The following CCDC182 variants were observed in gnomAD, a reference collection of about 807,000 sequenced individuals.
CCDC182 encodes coiled-coil domain containing 182.
A neutral mutation model predicts 4.6 loss-of-function variants in CCDC182; 1 was observed. The observed-to-expected ratio is 0.22, with a 90% CI of 0.08 to 1.02. The LOEUF (loss-of-function observed/expected upper bound fraction) is 1.02, where lower values mean the gene tolerates loss of function less well. Among genes scored for constraint, CCDC182 ranks in the 50% least tolerant of loss-of-function variants. The pLI is 0.58. For missense variants in CCDC182, 209 were observed against 196.8 expected, an observed-to-expected ratio of 1.06 and a Z score of -0.37; for synonymous variants, 82 against 83.9, an observed-to-expected ratio of 0.98 and a Z score of 0.12.
Position 57,745,211 on chromosome 17 carries a change from T to G in CCDC182, c.62A>C (p.Lys21Thr). ...AGACTGGAGGCCACTCTCTATCATT[T>G]TTTTCCCCTGTAGGGTATTCACCGT... ...LMTVNTLQGK[K>T]MIESGLQSGD... is the part of the protein sequence containing the mutation. The change falls in exon 1 of 1, where the codon AAA (lysine) becomes ACA (threonine). Residue 21 changes from lysine to threonine, a missense_variant. Transcript: ENST00000299415. The G allele has an allele frequency of 6.4e-7, 1 of 1,550,624 alleles. No homozygotes were observed. Among genetic ancestry groups the G allele is most frequent in the Non-Finnish European group, 8.7e-7 (1 of 1,147,002 alleles).
Position 57,744,632 on chromosome 17 carries a change from TA to T in CCDC182, c.*178del. On this transcript the variant is annotated 3_prime_UTR_variant, in exon 1 of 1. Coordinates refer to ENST00000299415, the MANE Select transcript of CCDC182 (RefSeq NM_001282544.2). ...TGCCTCCTTCCTTTAGAATGCTGGA[TA>T]AATGGAATTTCACCAAAAAAAATAT... 1.7e-6 allele frequency: 1 copy of T among 595,044 alleles called. No homozygotes were observed. The highest frequency in any genetic ancestry group is 3.0e-6 in the Non-Finnish European group (1 of 333,842). The allele number at this position is 595,044 out of a possible 1,614,324, so 36.9% of individuals were successfully genotyped here. A position where few individuals can be genotyped will look rare whatever the true frequency, so the allele number is the denominator to read the frequency against.
chr17:57,744,984 C>G lies in CCDC182; in HGVS notation c.289G>C (p.Val97Leu). The G allele has an allele frequency of 6.4e-7, 1 of 1,550,816 alleles. No homozygotes were observed. Among genetic ancestry groups the G allele is most frequent in the South Asian group, 1.2e-5 (1 of 84,064 alleles). ...TCCTCCTCCCTTAGCCGCTGCCTCA[C>G]GCGAGCCGCCTGCTCCTCCTGTTGC... ...LVQQEEQAAR[V>L]RQRLREEEDR... Residue 97 changes from valine to leucine, a missense_variant, in exon 1 of 1, where the codon GTG becomes CTG. Physicochemically the swap from Val to Leu is conservative, Grantham distance 32. Transcript: ENST00000299415.
Position 57,744,761 on chromosome 17 carries a change from C to A in CCDC182, c.*50G>T, listed in dbSNP as rs115612632. ...GGTAGGGACTTGGGGTTTCTCCTTC[C>A]GTTAAAAAAAATCTTCAACTTGGTG... On this transcript the variant is annotated 3_prime_UTR_variant, in exon 1 of 1. Coordinates refer to ENST00000299415, the MANE Select transcript of CCDC182 (RefSeq NM_001282544.2). 5,243 of 1,275,192 alleles carry A rather than the reference C, an allele frequency of 4.1e-3. 153 individuals are homozygous for A. In the African/African-American group the frequency reaches 0.063, roughly 15 times the overall value. The allele number at this position is 1,275,192 out of a possible 1,614,324, so 79.0% of individuals were successfully genotyped here.
chr17:57,744,953 C>T lies in CCDC182; in HGVS notation c.320G>A (p.Arg107His). 8.4e-6 allele frequency: 13 copies of T among 1,550,728 alleles called. No individual in the cohort carries two copies. Among genetic ancestry groups the T allele is most frequent in the South Asian group, 4.8e-5 (4 of 84,064 alleles). The part of the protein sequence containing the change: ...VRQRLREEED[R>H]GIVRNKVLTF... ...GAGAACCTTGTTGCGCACGATGCCA[C>T]GGTCCTCCTCCTCCCTTAGCCGCTG... Residue 107 changes from arginine to histidine, a missense_variant, in exon 1 of 1, where the codon CGT becomes CAT. Arg to His is a conservative substitution (Grantham distance 29). Transcript: ENST00000299415.
Position 57,744,913 on chromosome 17 carries a change from C to G in CCDC182, c.360G>C (p.Pro120=), listed in dbSNP as rs781563994. Residue 120 remains proline, a synonymous_variant, in exon 1 of 1, where the codon CCG becomes CCC. Transcript: ENST00000299415. ...AGTGCTCCCGGAGCTGTTTCTCGCG[C>G]GGCAACAGGAAGGTGAGAACCTTGT... is the stretch of plus-strand genomic sequence containing the variant. ...VRNKVLTFLL[P]REKQLREHCK... 2 of 1,550,486 alleles carry G rather than the reference C, an allele frequency of 1.3e-6. No homozygotes were observed. Among genetic ancestry groups the G allele is most frequent in the African/African-American group, 1.4e-5 (1 of 73,036 alleles).
Position 57,745,111 on chromosome 17 carries a change from C to CAG in CCDC182, c.161_162insCT (p.Lys54AsnfsTer18). 1 of 1,550,734 alleles carries CAG rather than the reference C, an allele frequency of 6.4e-7. No homozygotes were observed. Among genetic ancestry groups the CAG allele is most frequent in the Non-Finnish European group, 8.7e-7 (1 of 1,146,960 alleles). On this transcript the variant is annotated frameshift_variant, in exon 1 of 1. Coordinates refer to ENST00000299415, the MANE Select transcript of CCDC182 (RefSeq NM_001282544.2). LOFTEE classifies it high-confidence loss of function. ...CCAGTTCCCGTTGCACCCCGGCCACCTTCTGCTGCAGGATCTCCAAGTCAG... is the reference window on the plus strand; with the variant it reads ...CCAGTTCCCGTTGCACCCCGGCCACCAGTTCTGCTGCAGGATCTCCAAGTCAG...
Position 57,745,075 on chromosome 17 carries a change from C to G in CCDC182, c.198G>C (p.Lys66Asn), listed in dbSNP as rs758763423. 1.3e-6 allele frequency: 2 copies of G among 1,550,994 alleles called. No individual in the cohort carries two copies. Among genetic ancestry groups the G allele is most frequent in the South Asian group, 1.2e-5 (1 of 84,058 alleles). The change falls in exon 1 of 1, where the codon AAG (lysine) becomes AAC (asparagine). Residue 66 changes from lysine (K) to asparagine (N), a missense_variant. Transcript: ENST00000299415. ...AATGAATGGACTTCAATGCCTCTTT[C>G]TTAAAGTCCTCCAGTTCCCGTTGCA... is the stretch of plus-strand genomic sequence containing the variant. ...AGVQRELEDF[K>N]KEALKSIHYL...
At position 57,744,991 on chromosome 17, in the gene CCDC182, C is replaced by T. The variant is rs1489589752; in HGVS notation, c.282G>A (p.Ala94=). Residue 94 remains alanine (A), a synonymous_variant, in exon 1 of 1, where the codon GCG becomes GCA. Transcript: ENST00000299415. The part of the protein sequence containing the change: ...NGALVQQEEQ[A]ARVRQRLREE... ...CCCTTAGCCGCTGCCTCACGCGAGC[C>T]GCCTGCTCCTCCTGTTGCACCAGGG... 11 of 1,550,892 alleles carry T rather than the reference C, an allele frequency of 7.1e-6. No individual in the cohort carries two copies. Among genetic ancestry groups the T allele is most frequent in the Non-Finnish European group, 8.7e-6 (10 of 1,147,044 alleles).
chr17:57,745,191 G>GGAGGC lies in CCDC182; in HGVS notation c.77_81dup (p.Gln28AlafsTer45), dbSNP rs1258556533. On this transcript the variant is annotated frameshift_variant, in exon 1 of 1. Coordinates refer to ENST00000299415, the MANE Select transcript of CCDC182 (RefSeq NM_001282544.2). LOFTEE classifies it high-confidence loss of function. ...TGGGACAGGGAAAAGTCTCCAGACT[G>GGAGGC]GAGGCCACTCTCTATCATTTTTTTC... 3 of 1,550,600 alleles carry GGAGGC rather than the reference G, an allele frequency of 1.9e-6. No homozygotes were observed. The East Asian group carries it at 7.3e-5, about 38-fold the overall frequency.
rs1256320720 is a variant in CCDC182 at position 57,744,984 on chromosome 17, C to T, written c.289G>A (p.Val97Met). The T allele has an allele frequency of 1.5e-5, 24 of 1,550,816 alleles. No homozygotes were observed. The highest frequency in any genetic ancestry group is 2.4e-5 in the South Asian group (2 of 84,064). ...LVQQEEQAARVRQRLREEEDR... is the reference protein window; with the variant it reads ...LVQQEEQAARMRQRLREEEDR... ...TCCTCCTCCCTTAGCCGCTGCCTCA[C>T]GCGAGCCGCCTGCTCCTCCTGTTGC... is the stretch of plus-strand genomic sequence containing the variant. The change falls in exon 1 of 1, where the codon GTG (valine) becomes ATG (methionine). Residue 97 changes from valine to methionine, a missense_variant. Val to Met is a conservative substitution (Grantham distance 21, BLOSUM62 1). Transcript: ENST00000299415.
rs562610277 is a variant in CCDC182 at position 57,745,220 on chromosome 17, T to C, written c.53A>G (p.Gln18Arg). The C allele has an allele frequency of 1.9e-6, 3 of 1,550,502 alleles. No homozygotes were observed. Among genetic ancestry groups the C allele is most frequent in the African/African-American group, 2.7e-5 (2 of 73,166 alleles). ...GCCACTCTCTATCATTTTTTTCCCC[T>C]GTAGGGTATTCACCGTCATGAGAAT... ...GSILMTVNTL[Q>R]GKKMIESGLQ... Residue 18 changes from glutamine to arginine, a missense_variant, in exon 1 of 1, where the codon CAG (glutamine) becomes CGG (arginine). Coordinates refer to ENST00000299415, the MANE Select transcript of CCDC182 (RefSeq NM_001282544.2).
At position 57,744,869 on chromosome 17, in the gene CCDC182, A is replaced by G; in HGVS notation, c.404T>C (p.Leu135Pro). 1 of 1,550,306 alleles carries G rather than the reference A, an allele frequency of 6.5e-7. No homozygotes were observed. The highest frequency in any genetic ancestry group is 8.7e-7 in the Non-Finnish European group (1 of 1,146,840). Residue 135 changes from leucine to proline, a missense_variant, in exon 1 of 1, where the codon CTG (leucine) becomes CCG (proline). Leu to Pro is a moderately conservative substitution (Grantham distance 98, BLOSUM62 -3). Coordinates refer to ENST00000299415, the MANE Select transcript of CCDC182 (RefSeq NM_001282544.2). Reference protein sequence around the residue: ...LREHCKRLEDLLLDRGRDALR... With the variant: ...LREHCKRLEDPLLDRGRDALR... ...GGCGTCACGTCCCCTGTCCAGCAGC[A>G]GGTCCTCCAGCCGCTTGCAGTGCTC...
rs2073270662 is a variant in CCDC182, at chr17:57,744,958, C to T, written c.315G>A (p.Glu105=). 6.4e-7 allele frequency: 1 copy of T among 1,550,566 alleles called. No individual in the cohort carries two copies. The highest frequency in any genetic ancestry group is 1.4e-5 in the African/African-American group (1 of 73,052). ...ARVRQRLREE[E]DRGIVRNKVL... is the part of the protein sequence containing the mutation. ...CCTTGTTGCGCACGATGCCACGGTC[C>T]TCCTCCTCCCTTAGCCGCTGCCTCA... The change falls in exon 1 of 1, where the codon GAG becomes GAA. Residue 105 remains glutamate, a synonymous_variant. Coordinates refer to ENST00000299415, the MANE Select transcript of CCDC182 (RefSeq NM_001282544.2).
Position 57,744,510 on chromosome 17 carries a change from A to G in CCDC182, c.*301T>C, listed in dbSNP as rs551868275. 19 of 293,028 alleles carry G rather than the reference A, an allele frequency of 6.5e-5. No individual in the cohort carries two copies. In the South Asian group the frequency reaches 1.5e-3, roughly 22 times the overall value. 18.2% of individuals were successfully genotyped at this position (293,028 alleles called of 1,614,324 possible). On this transcript the variant is annotated 3_prime_UTR_variant, in exon 1 of 1. Coordinates refer to ENST00000299415, the MANE Select transcript of CCDC182 (RefSeq NM_001282544.2). ...TTCAACACAATCAGTTTAAGAATAT[A>G]CTATACAAATAAAGAGGTATACATT...
Position 57,745,195 on chromosome 17 carries a change from G to T in CCDC182, c.78C>A (p.Gly26=), listed in dbSNP as rs759120695. The change falls in exon 1 of 1, where the codon GGC becomes GGA. Residue 26 remains glycine, a synonymous_variant. Coordinates refer to ENST00000299415, the MANE Select transcript of CCDC182 (RefSeq NM_001282544.2). The part of the protein sequence containing the change: ...TLQGKKMIES[G]LQSGDFSLSQ... The stretch of plus-strand genomic sequence containing the variant: ...ACAGGGAAAAGTCTCCAGACTGGAG[G>T]CCACTCTCTATCATTTTTTTCCCCT... 12 of 1,550,596 alleles carry T rather than the reference G, an allele frequency of 7.7e-6. 1 individual carries two copies. In the South Asian group the frequency reaches 1.4e-4, roughly 18 times the overall value.
Position 57,745,094 on chromosome 17 carries a change from C to T in CCDC182, c.179G>A (p.Arg60Gln), listed in dbSNP as rs750904613. The change falls in exon 1 of 1, where the codon CGG becomes CAG. Residue 60 changes from arginine to glutamine, a missense_variant. Physicochemically the swap from Arg to Gln is conservative, Grantham distance 43. Coordinates refer to ENST00000299415, the MANE Select transcript of CCDC182 (RefSeq NM_001282544.2). ...CTCTTTCTTAAAGTCCTCCAGTTCC[C>T]GTTGCACCCCGGCCACCTTCTGCTG... ...ILQQKVAGVQ[R>Q]ELEDFKKEAL... The T allele has an allele frequency of 3.1e-4, 487 of 1,550,722 alleles. 1 individual carries two copies. Among genetic ancestry groups the T allele is most frequent in the Non-Finnish European group, 4.0e-4 (457 of 1,147,048 alleles).
At position 57,745,265 on chromosome 17, in the gene CCDC182, G is replaced by A. The variant is rs1456485785; in HGVS notation, c.8C>T (p.Pro3Leu). The A allele has an allele frequency of 1.3e-6, 2 of 1,539,890 alleles. No individual in the cohort carries two copies. The highest frequency in any genetic ancestry group is 1.8e-6 in the Non-Finnish European group (2 of 1,138,980). ME[P>L]LYQAGSILMT... ...GAGAATGGACCCAGCCTGGTAGAGG[G>A]GTTCCATTGTCTCTTCTACGTTGGA... Residue 3 changes from proline to leucine, a missense_variant, in exon 1 of 1, where the codon CCC becomes CTC. By Grantham distance (98) the Pro-to-Leu change is moderately conservative. Transcript: ENST00000299415.
In CCDC182 at chr17:57,745,116, G is replaced by C; in HGVS notation, c.157C>G (p.Gln53Glu). ...TCCCGTTGCACCCCGGCCACCTTCT[G>C]CTGCAGGATCTCCAAGTCAGCGGGT... ...PPPADLEILQ[Q>E]KVAGVQRELE... The change falls in exon 1 of 1, where the codon CAG (glutamine) becomes GAG (glutamate). Residue 53 changes from glutamine (Q) to glutamate (E), a missense_variant. Gln to Glu is a conservative substitution (Grantham distance 29). Transcript: ENST00000299415. 6.4e-7 allele frequency: 1 copy of C among 1,550,804 alleles called. No individual in the cohort carries two copies. The highest frequency in any genetic ancestry group is 8.7e-7 in the Non-Finnish European group (1 of 1,147,018).
rs1290822070 is a variant in CCDC182, at chr17:57,744,846, C to A, written c.427G>T (p.Ala143Ser). ...TGGCTCTTCTTGGTGGCACGCAGGG[C>A]GTCACGTCCCCTGTCCAGCAGCAGG... ...EDLLLDRGRD[A>S]LRATKKSQAD The change falls in exon 1 of 1, where the codon GCC (alanine) becomes TCC (serine). Residue 143 changes from alanine to serine, a missense_variant. By Grantham distance (99) the Ala-to-Ser change is moderately conservative. Coordinates refer to ENST00000299415, the MANE Select transcript of CCDC182 (RefSeq NM_001282544.2). The A allele has an allele frequency of 3.0e-5, 46 of 1,546,134 alleles. No individual in the cohort carries two copies. Among genetic ancestry groups the A allele is most frequent in the Non-Finnish European group, 2.5e-5 (29 of 1,143,856 alleles).
Sources: allele counts gnomAD v4.1 joint callset, GRCh38; gene constraint gnomAD v4.1.1; transcripts MANE v1.5; gene names NCBI Gene and HGNC (gene_info 2026-07-23, HGNC 2026-07-21).